PLGRKT: variants seen among roughly 807,000 people sequenced by gnomAD.
PLGRKT encodes plasminogen receptor with a C-terminal lysine.
Under a neutral mutation model 18.5 loss-of-function variants are expected in PLGRKT, and 22 were observed. The ratio of observed to expected loss-of-function variants is 1.19; its 90% CI spans 0.85 to 1.70. The LOEUF is 1.70. Among genes scored for constraint, PLGRKT ranks in the 40% most tolerant of loss-of-function variants. PLGRKT has a pLI of 0.00. For synonymous variants in PLGRKT, 72 were observed against 52.8 expected, an observed-to-expected ratio of 1.36 and a Z score of -1.58; for missense variants, 235 against 174.4, an observed-to-expected ratio of 1.35 and a Z score of -1.96.
intron 3 of PLGRKT, among the ~76,000 whole-genome samples, chr9:5,389,764 G>A (rs1046499681): frequency 2.0e-5 from 3 of 151,982 alleles, no homozygotes; most frequent in East Asian, 1.9e-4. Context: ...TGCACTCCAG[G>A]ATAAAATGGC....
chr9:5,392,890 G>A (rs1817976013), intron 3 of PLGRKT, among the ~76,000 whole-genome samples: 1 of 151,556 alleles, frequency 6.6e-6, no homozygotes, highest in Non-Finnish European at 1.5e-5. Context: ...TGCCCAGGCT[G>A]GAGTGCAGTG....
At chr9:5,385,923 G>T (rs989600606) in intron 3 of PLGRKT, among the ~76,000 whole-genome samples, 3 of 151,822 alleles carry the variant, frequency 2.0e-5, no homozygotes, top group African/African-American at 7.3e-5. Context: ...CATTATTTTA[G>T]TAAAAGCACA....
intron 3 of PLGRKT, among the ~76,000 whole-genome samples, chr9:5,413,369 G>C (rs1222097930): frequency 6.6e-6 from 1 of 152,202 alleles, no homozygotes; most frequent in African/African-American, 2.4e-5. Flanking sequence ...CAGAACCTGT[G>C]AATGTATCTC....
intron 3 of PLGRKT, among the ~76,000 whole-genome samples, chr9:5,421,207 C>G (rs1180010145): frequency 6.6e-6 from 1 of 152,182 alleles, no homozygotes; most frequent in Admixed American, 6.5e-5. Flanking sequence ...TCCAACTCAC[C>G]ACGAGTTCTC....
At chr9:5,373,629 G>C (rs920040454) in intron 3 of PLGRKT, among the ~76,000 whole-genome samples, 64 of 152,016 alleles carry the variant, frequency 4.2e-4, no homozygotes, top group South Asian at 4.2e-4. Context: ...GTGTGACTCT[G>C]TCTCTAGGAA....
At chr9:5,358,449 CTA>C in intron 5 of PLGRKT, 89 bp from the exon 6 acceptor site, 1 of 1,135,416 alleles carries the variant, frequency 8.8e-7, no homozygotes, top group Non-Finnish European at 1.3e-6. Flanking sequence ...TTGACAGGCT[CTA>C]ACACCGTATG....
At chr9:5,383,273 C>T (rs947106939) in intron 3 of PLGRKT, among the ~76,000 whole-genome samples, 1 of 152,202 alleles carries the variant, frequency 6.6e-6, no homozygotes, top group Non-Finnish European at 1.5e-5. Context: ...TCGATTCAGA[C>T]TTCTGGCCTC....
chr9:5,391,229 C>T (rs762971576), intron 3 of PLGRKT, among the ~76,000 whole-genome samples: 2 of 151,954 alleles, frequency 1.3e-5, no homozygotes, highest in Non-Finnish European at 2.9e-5. Context: ...TTGATTTGTG[C>T]TAAGTCAAAA....
intron 3 of PLGRKT, among the ~76,000 whole-genome samples, chr9:5,384,911 T>G (rs1006257894): frequency 1.3e-5 from 2 of 152,142 alleles, no homozygotes; most frequent in Non-Finnish European, 1.5e-5. Context: ...TATAATAATT[T>G]TGATATGTGA....
At position 5,418,823 on chromosome 9, in the gene PLGRKT, A is replaced by G. The variant is rs114693859; in HGVS notation, c.81+13074T>C. On this transcript the variant is annotated intron_variant, in intron 3 of 5. Coordinates refer to ENST00000223864, the MANE Select transcript of PLGRKT (RefSeq NM_018465.4). This position sits in a 1 kb window ranked among gnomAD's most constrained non-coding sequence, Gnocchi z 4.2. ...GGCAGCTTGGTGACACCGCTGCACCAGGGGCATCGCACATCCTTCTGGCTG... is the reference window on the plus strand; with the variant it reads ...GGCAGCTTGGTGACACCGCTGCACCGGGGGCATCGCACATCCTTCTGGCTG... The G allele has an allele frequency of 1.3e-3, 1,271 of 999,010 alleles. 7 individuals are homozygous for G. The African/African-American group carries it at 0.017, about 14-fold the overall frequency. 61.9% of individuals were successfully genotyped at this position (999,010 alleles called of 1,614,324 possible).
intron 3 of PLGRKT, 40 bp from the exon 4 acceptor site, chr9:5,361,928 T>C: frequency 6.3e-7 from 1 of 1,584,612 alleles, no homozygotes; most frequent in Non-Finnish European, 8.6e-7. Flanking sequence ...TTACTCATCT[T>C]TGGAATCTGA....
chr9:5,378,704 T>C (rs1212419640), intron 3 of PLGRKT, among the ~76,000 whole-genome samples: 2 of 152,044 alleles, frequency 1.3e-5, no homozygotes, highest in East Asian at 3.8e-4. Flanking sequence ...GAATTTTTTA[T>C]AAATCAGACA....
At chr9:5,424,185 T>C (rs889507083) in intron 3 of PLGRKT, among the ~76,000 whole-genome samples, 2 of 138,722 alleles carry the variant, frequency 1.4e-5, no homozygotes, top group African/African-American at 5.3e-5. Context: ...GTAATAGATG[T>C]AATATGTATA....
At chr9:5,424,134 C>T (rs1278286054) in intron 3 of PLGRKT, among the ~76,000 whole-genome samples, 2 of 137,236 alleles carry the variant, frequency 1.5e-5, no homozygotes, top group Non-Finnish European at 3.0e-5. Flanking sequence ...ATATATATTA[C>T]ATATATTATA....
In PLGRKT at chr9:5,427,242, C is replaced by T. The variant is rs1047478091; in HGVS notation, c.81+4655G>A. ...TACCTGCCTGTTAGTTACCTAATAG[C>T]CATCACAGTTATCAGATCAGCTGCC... On this transcript the variant is annotated intron_variant, in intron 3 of 5. Coordinates refer to ENST00000223864, the MANE Select transcript of PLGRKT (RefSeq NM_018465.4). Among the ~76,000 whole-genome samples the T allele has an allele frequency of 6.4e-4, 98 of 152,154 alleles. 1 individual carries two copies. Among genetic ancestry groups the T allele is most frequent in the African/African-American group, 2.3e-3 (96 of 41,432 alleles).
At chr9:5,372,825 C>T (rs758465955) in intron 3 of PLGRKT, among the ~76,000 whole-genome samples, 13 of 152,104 alleles carry the variant, frequency 8.5e-5, no homozygotes, top group Non-Finnish European at 1.6e-4. Flanking sequence ...GGCAGGCATG[C>T]TATTAGGGAG....
chr9:5,394,746 G>A (rs1818013947), intron 3 of PLGRKT, among the ~76,000 whole-genome samples: 1 of 151,872 alleles, frequency 6.6e-6, no homozygotes, highest in Non-Finnish European at 1.5e-5. Flanking sequence ...TTTCATTTAG[G>A]AAAACGTTCA....
At chr9:5,398,192 C>T (rs985547334) in intron 3 of PLGRKT, among the ~76,000 whole-genome samples, 1 of 151,768 alleles carries the variant, frequency 6.6e-6, no homozygotes, top group African/African-American at 2.4e-5. Context: ...CCTTACCACT[C>T]AGCAACCCCC....
rs1017198831 is a variant in PLGRKT, at chr9:5,418,433, G to A, written c.81+13464C>T. On this transcript the variant is annotated intron_variant, in intron 3 of 5. Coordinates refer to ENST00000223864, the MANE Select transcript of PLGRKT (RefSeq NM_018465.4). This position sits in a 1 kb window ranked among gnomAD's most constrained non-coding sequence, Gnocchi z 4.2. ...GACATGTTATGGAGCACGATGCTGA[G>A]GAGGAAGACCAAGACGCAAGCCACC... 1.5e-5 allele frequency: 14 copies of A among 917,922 alleles called. No individual in the cohort carries two copies. The highest frequency in any genetic ancestry group is 1.1e-4 in the African/African-American group (7 of 61,434). 56.9% of individuals were successfully genotyped at this position (917,922 alleles called of 1,614,324 possible).
Sources: allele counts gnomAD v4.1 joint callset (sites outside exome capture counted in the v4.1 genomes callset), GRCh38; gene constraint gnomAD v4.1.1; non-coding constraint Gnocchi (gnomAD v3.1); transcripts MANE v1.5; gene names NCBI Gene and HGNC (gene_info 2026-07-23, HGNC 2026-07-21).